The following IMMP2L variants were observed in gnomAD, a reference collection of about 807,000 sequenced individuals.
IMMP2L encodes inner mitochondrial membrane peptidase subunit 2, also known as mitochondrial inner membrane protease subunit 2.
A neutral mutation model predicts 19.3 loss-of-function variants in IMMP2L; 18 were observed. The ratio of observed to expected loss-of-function variants is 0.93; its 90% CI spans 0.64 to 1.38. The LOEUF (loss-of-function observed/expected upper bound fraction) is 1.38. IMMP2L is among the 40% of genes most tolerant of loss of function. IMMP2L has a pLI of 0.00. For synonymous variants in IMMP2L, 76 were observed against 73.0 expected, an observed-to-expected ratio of 1.04 and a Z score of -0.21; for missense variants, 233 against 218.2, an observed-to-expected ratio of 1.07 and a Z score of -0.43.
chr7:110,836,122 G>A (rs1477070143), intron 5 of IMMP2L, among the ~76,000 whole-genome samples: 1 of 152,106 alleles, frequency 6.6e-6, no homozygotes, highest in Non-Finnish European at 1.5e-5. Flanking sequence ...TTGTAAACAT[G>A]TGACCTGGTG....
rs532937901 is a variant in IMMP2L at position 111,142,821 on chromosome 7, AT to A, written c.240-179257del. Among the ~76,000 whole-genome samples the A allele has an allele frequency of 1.8e-3, 273 of 152,306 alleles. 3 individuals carry two copies. The highest frequency in any genetic ancestry group is 6.3e-3 in the African/African-American group (260 of 41,568). The stretch of plus-strand genomic sequence containing the variant: ...AGGACAAGAAAAGGCAGTGCCCTCA[AT>A]TAGATGAACAACTCTCACGGTCCCA... On this transcript the variant is annotated intron_variant, in intron 3 of 5. Coordinates refer to ENST00000405709, the MANE Select transcript of IMMP2L (RefSeq NM_032549.4).
chr7:110,688,240 G>A (rs549687550), intron 5 of IMMP2L, among the ~76,000 whole-genome samples: 130 of 152,126 alleles, frequency 8.5e-4, no homozygotes, highest in African/African-American at 3.0e-3. Flanking sequence ...CAAAATAAAA[G>A]TGTTGCTTTA....
intron 2 of IMMP2L, among the ~76,000 whole-genome samples, chr7:111,515,909 AT>A (rs1444303643): frequency 6.6e-6 from 1 of 152,128 alleles, no homozygotes; most frequent in African/African-American, 2.4e-5. Flanking sequence ...ATAAACCAAA[AT>A]AAAATGGAAT....
chr7:111,172,289 C>G (rs955637362), intron 3 of IMMP2L, among the ~76,000 whole-genome samples: 3 of 151,334 alleles, frequency 2.0e-5, no homozygotes, highest in African/African-American at 7.3e-5. Context: ...TTATTTATTA[C>G]TGATATTATA....
At chr7:111,147,734 G>A (rs910907966) in intron 3 of IMMP2L, among the ~76,000 whole-genome samples, 2 of 151,960 alleles carry the variant, frequency 1.3e-5, no homozygotes, top group Non-Finnish European at 1.5e-5. Flanking sequence ...GACCACTTCT[G>A]GAATGGTAAA....
At chr7:110,690,202 C>T (rs995148744) in intron 5 of IMMP2L, among the ~76,000 whole-genome samples, 15 of 152,184 alleles carry the variant, frequency 9.9e-5, no homozygotes, top group African/African-American at 3.4e-4. Context: ...ATCTCCCAAA[C>T]TGTGACAGCT....
chr7:111,539,194 G>GGAAAGAAGGAA (rs1563330607), intron 1 of IMMP2L, among the ~76,000 whole-genome samples: 3 of 60,894 alleles, frequency 4.9e-5, no homozygotes, highest in African/African-American at 2.2e-4. Context: ...GAAGGAAGGA[G>GGAAAGAAGGAA]GGAGAAAGAA....
chr7:110,789,220 G>T lies in IMMP2L; in HGVS notation c.408+97373C>A, dbSNP rs115521299. Among the ~76,000 whole-genome samples the T allele has an allele frequency of 2.3e-3, 343 of 151,826 alleles. 12 individuals carry two copies. The highest frequency in any genetic ancestry group is 8.1e-3 in the African/African-American group (333 of 41,246). On this transcript the variant is annotated intron_variant, in intron 5 of 5. Coordinates refer to ENST00000405709, the MANE Select transcript of IMMP2L (RefSeq NM_032549.4). The stretch of plus-strand genomic sequence containing the variant: ...AGGCTTTAGATATTGTCGAATAGAG[G>T]GAACAGACAAGATGCCCCTGCTGTG...
Position 111,430,720 on chromosome 7 carries a change from TGGGTGCACAAA to T in IMMP2L, c.239+56507_239+56517del, listed in dbSNP as rs1365861985. Among the ~76,000 whole-genome samples the T allele has an allele frequency of 5.7e-4, 87 of 151,974 alleles. 4 individuals are homozygous for T. The highest frequency in any genetic ancestry group is 2.0e-3 in the African/African-American group (81 of 41,290). Reference sequence around the variant, plus strand: ...TACACTCAAATATTGTCTTGGATGCTGGGTGCACAAAATAAGAACCTATACCAGTTCATGAA... The same window carrying T: ...TACACTCAAATATTGTCTTGGATGCTATAAGAACCTATACCAGTTCATGAA... On this transcript the variant is annotated intron_variant, in intron 3 of 5. Transcript: ENST00000405709.
At chr7:111,002,002 A>G (rs1823755371) in intron 3 of IMMP2L, among the ~76,000 whole-genome samples, 1 of 152,138 alleles carries the variant, frequency 6.6e-6, no homozygotes, top group South Asian at 2.1e-4. Flanking sequence ...GAAACTGAGC[A>G]AACTAAAATT....
intron 2 of IMMP2L, among the ~76,000 whole-genome samples, chr7:111,508,184 A>G (rs748278222): frequency 2.0e-5 from 3 of 152,194 alleles, no homozygotes; most frequent in Non-Finnish European, 4.4e-5. Context: ...TTTAAAAAGA[A>G]AGAAAAAAAT....
At chr7:111,304,034 G>A (rs1422042437) in intron 3 of IMMP2L, among the ~76,000 whole-genome samples, 1 of 152,010 alleles carries the variant, frequency 6.6e-6, no homozygotes, top group African/African-American at 2.4e-5. Flanking sequence ...GCATCAGAAA[G>A]AAAATGAATT....
intron 3 of IMMP2L, among the ~76,000 whole-genome samples, chr7:111,035,864 A>C (rs2129569846): frequency 6.6e-6 from 1 of 152,234 alleles, no homozygotes; most frequent in East Asian, 1.9e-4. Context: ...TTCCATCTAT[A>C]CACTGTATAA....
intron 3 of IMMP2L, among the ~76,000 whole-genome samples, chr7:111,316,549 C>T (rs2130397328): frequency 6.6e-6 from 1 of 151,986 alleles, no homozygotes; most frequent in Non-Finnish European, 1.5e-5. Flanking sequence ...AGAGGGCTGC[C>T]GCTTAGGAAC....
intron 3 of IMMP2L, among the ~76,000 whole-genome samples, chr7:111,194,153 T>C (rs1429142021): frequency 2.0e-5 from 3 of 152,144 alleles, no homozygotes; most frequent in Non-Finnish European, 2.9e-5. Context: ...CACACATCTG[T>C]CTCCTGTAGG....
chr7:110,762,190 A>G (rs1242727690), intron 5 of IMMP2L, among the ~76,000 whole-genome samples: 5 of 152,164 alleles, frequency 3.3e-5, no homozygotes, highest in African/African-American at 1.2e-4. Flanking sequence ...AAGTTATATA[A>G]AATAACTTCT....
chr7:111,248,818 C>T (rs1562965567), intron 3 of IMMP2L, among the ~76,000 whole-genome samples: 1 of 30,428 alleles, frequency 3.3e-5, no homozygotes, highest in Admixed American at 4.3e-4. Flanking sequence ...GGGGTGCCTC[C>T]CAGTTAGGCT....
At chr7:111,186,127 A>G (rs937875806) in intron 3 of IMMP2L, among the ~76,000 whole-genome samples, 1 of 152,168 alleles carries the variant, frequency 6.6e-6, no homozygotes, top group African/African-American at 2.4e-5. Context: ...CATATATTTT[A>G]TTTTATGCAT....
At chr7:110,735,930 T>C (rs996470219) in intron 5 of IMMP2L, among the ~76,000 whole-genome samples, 13 of 147,112 alleles carry the variant, frequency 8.8e-5, no homozygotes, top group Admixed American at 4.1e-4. Context: ...ACTCTCATCA[T>C]AGGCCCAAAC....
Sources: allele counts gnomAD v4.1 joint callset (sites outside exome capture counted in the v4.1 genomes callset), GRCh38; gene constraint gnomAD v4.1.1; transcripts MANE v1.5; gene names NCBI Gene and HGNC (gene_info 2026-07-23, HGNC 2026-07-21).